The following TTBK2 variants were observed in gnomAD, a reference collection of about 807,000 sequenced individuals.
The protein encoded by TTBK2 is tau-tubulin kinase 2.
TTBK2 carries 28 observed loss-of-function variants against 110.8 expected under a neutral mutation model. The ratio of observed to expected loss-of-function variants is 0.25; its 90% confidence interval spans 0.19 to 0.35. The LOEUF (loss-of-function observed/expected upper bound fraction) is 0.35, where lower values mean the gene tolerates loss of function less well. TTBK2 is among the 10% of genes least tolerant of loss of function. The pLI is 1.00. For synonymous variants in TTBK2, 532 were observed against 527.3 expected (o/e 1.01, Z -0.12); for missense variants, 1,369 against 1,500.3 (o/e 0.91, Z 1.45).
At chr15:42,876,930 C>T (rs983768950) in intron 2 of TTBK2, among the ~76,000 whole-genome samples, 3 of 152,076 alleles carry the variant, frequency 2.0e-5, no homozygotes, top group African/African-American at 7.2e-5. Context: ...CACCGAAACA[C>T]ATCAAATTTG....
Position 42,775,231 on chromosome 15 carries a change from T to C in TTBK2, c.1902A>G (p.Thr634=). Reference sequence around the variant, plus strand: ...CTCCAGGCTGGAGTTCCAGCCTATCTGTATATTGTTCTGAAGCAGCAGTAG... The same window carrying C: ...CTCCAGGCTGGAGTTCCAGCCTATCCGTATATTGTTCTGAAGCAGCAGTAG... ...GPPTAASEQY[T]DRLELQPGAA... Residue 634 remains threonine (T), a synonymous_variant, in exon 13 of 15, where the codon ACA becomes ACG. Transcript: ENST00000267890. The C allele has an allele frequency of 6.2e-7, 1 of 1,614,240 alleles. No homozygotes were observed. Among genetic ancestry groups the C allele is most frequent in the Middle Eastern group, 1.6e-4 (1 of 6,062 alleles).
intron 13 of TTBK2, among the ~76,000 whole-genome samples, chr15:42,770,181 C>T (rs577291224): frequency 1.3e-5 from 2 of 152,110 alleles, no homozygotes; most frequent in African/African-American, 2.4e-5. Flanking sequence ...ACCAACATGG[C>T]ACATGTATAC....
At chr15:42,795,209 T>C (rs1463886720) in intron 9 of TTBK2, among the ~76,000 whole-genome samples, 2 of 151,700 alleles carry the variant, frequency 1.3e-5, no homozygotes, top group Non-Finnish European at 2.9e-5. Context: ...TGTTAACATG[T>C]AACGTGTCTA....
intron 2 of TTBK2, among the ~76,000 whole-genome samples, chr15:42,873,285 T>C (rs1055894654): frequency 5.3e-5 from 8 of 151,908 alleles, no homozygotes; most frequent in Non-Finnish European, 5.9e-5. Flanking sequence ...AATACAAAAA[T>C]TAGCCAGGCG....
chr15:42,834,129 C>T (rs910729418), intron 4 of TTBK2, among the ~76,000 whole-genome samples: 5 of 136,406 alleles, frequency 3.7e-5, no homozygotes, highest in African/African-American at 8.4e-5. Context: ...GAGGTAGAGG[C>T]GGAAGCGAGC....
intron 13 of TTBK2, among the ~76,000 whole-genome samples, chr15:42,755,288 A>G (rs1326601677): frequency 6.6e-6 from 1 of 152,202 alleles, no homozygotes; most frequent in East Asian, 1.9e-4. Flanking sequence ...GGAAAACTAC[A>G]GAAATTGGTC....
intron 1 of TTBK2, among the ~76,000 whole-genome samples, chr15:42,902,006 AG>A (rs1160151574): frequency 6.6e-6 from 1 of 151,244 alleles, no homozygotes; most frequent in Admixed American, 6.6e-5. Context: ...ACCTGAGGTC[AG>A]GAGTTCGAGA....
intron 1 of TTBK2, among the ~76,000 whole-genome samples, chr15:42,907,286 T>A (rs1438350852): frequency 6.6e-6 from 1 of 152,110 alleles, no homozygotes; most frequent in African/African-American, 2.4e-5. Context: ...TCAAAAAAAC[T>A]AAAAATAGAA....
chr15:42,903,625 C>T (rs963119436), intron 1 of TTBK2, among the ~76,000 whole-genome samples: 1 of 152,060 alleles, frequency 6.6e-6, no homozygotes, highest in Non-Finnish European at 1.5e-5. Context: ...AATTAGGAAC[C>T]GAACACTAGA....
At chr15:42,796,526 G>C (rs930304880) in intron 9 of TTBK2, among the ~76,000 whole-genome samples, 1 of 152,182 alleles carries the variant, frequency 6.6e-6, no homozygotes, top group Non-Finnish European at 1.5e-5. Flanking sequence ...GGTGAAAGAA[G>C]AGAAAGACTC....
At chr15:42,753,395 T>C in intron 13 of TTBK2, 148 bp from the exon 14 acceptor site, 2 of 819,146 alleles carry the variant, frequency 2.4e-6, no homozygotes. Flanking sequence ...AAATGAACAA[T>C]TCTGAATAAC....
intron 1 of TTBK2, among the ~76,000 whole-genome samples, chr15:42,888,928 T>C (rs954045085): frequency 1.3e-5 from 2 of 152,172 alleles, no homozygotes; most frequent in Non-Finnish European, 2.9e-5. Flanking sequence ...TTTACTCTCC[T>C]ACTGAAGTTT....
At chr15:42,781,926 T>C (rs1490794540) in intron 11 of TTBK2, among the ~76,000 whole-genome samples, 1 of 152,190 alleles carries the variant, frequency 6.6e-6, no homozygotes, top group Non-Finnish European at 1.5e-5. Flanking sequence ...CTTATATTAC[T>C]ATGCTTTGAC....
intron 7 of TTBK2, among the ~76,000 whole-genome samples, chr15:42,815,812 C>A (rs1891914171): frequency 7.0e-6 from 1 of 143,526 alleles, no homozygotes; most frequent in South Asian, 2.2e-4. Context: ...CAAATAATTT[C>A]TTGAAATAGT....
intron 10 of TTBK2, among the ~76,000 whole-genome samples, chr15:42,789,951 T>C (rs915845962): frequency 6.6e-6 from 1 of 151,974 alleles, no homozygotes; most frequent in Non-Finnish European, 1.5e-5. Context: ...TGGTAAATAC[T>C]GCTGCAGTGA....
intron 6 of TTBK2, among the ~76,000 whole-genome samples, chr15:42,827,220 G>C (rs909847904): frequency 6.6e-6 from 1 of 152,140 alleles, no homozygotes; most frequent in African/African-American, 2.4e-5. Context: ...CTGTGTGTAT[G>C]GTTGGCAGGG....
intron 3 of TTBK2, among the ~76,000 whole-genome samples, chr15:42,861,539 AATT>A (rs891671518): frequency 6.6e-6 from 1 of 152,202 alleles, no homozygotes; most frequent in African/African-American, 2.4e-5. Context: ...AAATCATTGA[AATT>A]AATAAAAATA....
At chr15:42,796,603 A>C (rs1057298546) in intron 9 of TTBK2, among the ~76,000 whole-genome samples, 2 of 152,222 alleles carry the variant, frequency 1.3e-5, no homozygotes, top group African/African-American at 4.8e-5. Flanking sequence ...TTCTAGACTA[A>C]AGTGAAGAAA....
intron 9 of TTBK2, chr15:42,801,010 G>C: frequency 1.3e-6 from 1 of 764,208 alleles, no homozygotes; most frequent in Non-Finnish European, 2.4e-6. Flanking sequence ...TTCCCATCAC[G>C]GGTTTCGATC....
Sources: gnomAD v4.1 joint callset for allele counts (sites outside exome capture counted in the v4.1 genomes callset) on GRCh38, gnomAD v4.1.1 for gene constraint, MANE v1.5 for transcripts, NCBI Gene and HGNC (gene_info 2026-07-23, HGNC 2026-07-21) for gene names.